Variants in PIEZO2 observed in about 807,000 individuals in gnomAD.
PIEZO2 encodes the protein piezo type mechanosensitive ion channel component 2.
PIEZO2 carries 172 observed loss-of-function variants against 337.3 expected under a neutral mutation model. The observed-to-expected ratio is 0.51, with a 90% CI of 0.45 to 0.58. The LOEUF (loss-of-function observed/expected upper bound fraction) is 0.58, where lower values mean the gene tolerates loss of function less well. Among genes scored for constraint, PIEZO2 ranks in the 20% least tolerant of loss-of-function variants. The pLI, the probability that PIEZO2 is intolerant of heterozygous loss-of-function variation, is 0.00. For missense variants in PIEZO2, 3,028 were observed against 3,391.3 expected (o/e 0.89, Z 2.66); for synonymous variants, 1,251 against 1,228.5 (o/e 1.02, Z -0.38).
At chr18:10,996,757 G>A (rs1338341181) in intron 2 of PIEZO2, among the ~76,000 whole-genome samples, 1 of 152,086 alleles carries the variant, frequency 6.6e-6, no homozygotes, top group Non-Finnish European at 1.5e-5. Flanking sequence ...TTTAGCTACT[G>A]CTGCTGTGAT....
intron 2 of PIEZO2, among the ~76,000 whole-genome samples, chr18:10,981,143 T>C (rs1222034842): frequency 6.6e-6 from 1 of 152,122 alleles, no homozygotes; most frequent in Non-Finnish European, 1.5e-5. Context: ...ATTAATCGTA[T>C]ATATATATGT....
At chr18:10,944,593 C>G (rs1006920279) in intron 3 of PIEZO2, among the ~76,000 whole-genome samples, 31 of 144,436 alleles carry the variant, frequency 2.1e-4, no homozygotes, top group African/African-American at 7.4e-4. Flanking sequence ...GTAAAGAACA[C>G]CAAAGACAAA....
chr18:10,899,192 C>T lies in PIEZO2; in HGVS notation c.329+11994G>A, dbSNP rs946267291. ...TCAACCTCTTGGAATCTCCACTGACCTGGGAATGAAACAACCAAGCTATGG... is the reference window on the plus strand; with the variant it reads ...TCAACCTCTTGGAATCTCCACTGACTTGGGAATGAAACAACCAAGCTATGG... On this transcript the variant is annotated intron_variant, in intron 4 of 55. Transcript: ENST00000674853. This position sits in a 1 kb window ranked among gnomAD's most constrained non-coding sequence, Gnocchi z 4.6. Among the ~76,000 whole-genome samples the T allele has an allele frequency of 2.0e-5, 3 of 152,196 alleles. No individual in the cohort carries two copies. The highest frequency in any genetic ancestry group is 4.4e-5 in the Non-Finnish European group (3 of 68,030).
At chr18:10,730,679 C>T (rs374833546) in intron 36 of PIEZO2, among the ~76,000 whole-genome samples, 5 of 152,160 alleles carry the variant, frequency 3.3e-5, no homozygotes, top group African/African-American at 1.2e-4. Flanking sequence ...TTTAAGTGTG[C>T]TTTCCCTTTT....
intron 21 of PIEZO2, among the ~76,000 whole-genome samples, chr18:10,764,237 A>T (rs999358195): frequency 2.6e-5 from 4 of 152,222 alleles, no homozygotes. Flanking sequence ...TAATATTCTC[A>T]GGTAGAAATA....
At position 10,783,640 on chromosome 18, in the gene PIEZO2, T is replaced by C. The variant is rs572580758; in HGVS notation, c.2492+1144A>G. On this transcript the variant is annotated intron_variant, in intron 17 of 55. Transcript: ENST00000674853. The surrounding 1 kb of genome is among the most constrained non-coding windows in gnomAD (Gnocchi z 4.3). ...TGGGGCCTTGGGAGCAGAGAGGTTTTAGCAGAGCCTGATTTTCCTGGTGGC... is the reference window on the plus strand; with the variant it reads ...TGGGGCCTTGGGAGCAGAGAGGTTTCAGCAGAGCCTGATTTTCCTGGTGGC... 2.0e-5 allele frequency among the ~76,000 whole-genome samples: 3 copies of C among 152,300 alleles called. No homozygotes were observed. Among genetic ancestry groups the C allele is most frequent in the African/African-American group, 7.2e-5 (3 of 41,552 alleles).
chr18:10,742,368 G>A (rs1021333550), intron 32 of PIEZO2, 126 bp downstream of exon 32: 118 of 1,091,202 alleles, frequency 1.1e-4, no homozygotes, highest in African/African-American at 7.9e-5. Context: ...AATAAAGCTC[G>A]CTGAATCAAA....
At position 10,846,089 on chromosome 18, in the gene PIEZO2, T is replaced by C. The variant is rs1164129032; in HGVS notation, c.917+9264A>G. ...TATAGCCAGTGGCCACATCTGAAGCTTAGTATATTAGTCCATTGTCACACT... is the reference window on the plus strand; with the variant it reads ...TATAGCCAGTGGCCACATCTGAAGCCTAGTATATTAGTCCATTGTCACACT... On this transcript the variant is annotated intron_variant, in intron 7 of 55. Coordinates refer to ENST00000674853, the MANE Select transcript of PIEZO2 (RefSeq NM_001378183.1). The surrounding 1 kb of genome is among the most constrained non-coding windows in gnomAD (Gnocchi z 4.1). 6.6e-6 allele frequency among the ~76,000 whole-genome samples: 1 copy of C among 152,152 alleles called. No homozygotes were observed. Among genetic ancestry groups the C allele is most frequent in the Admixed American group, 6.5e-5 (1 of 15,274 alleles).
intron 1 of PIEZO2, among the ~76,000 whole-genome samples, chr18:11,087,485 A>AT (rs2038949383): frequency 6.6e-6 from 1 of 152,106 alleles, no homozygotes; most frequent in Non-Finnish European, 1.5e-5. Context: ...TAATAAAAAT[A>AT]TTTTTCCTGT....
At position 10,837,957 on chromosome 18, in the gene PIEZO2, G is replaced by A. The variant is rs926163045; in HGVS notation, c.917+17396C>T. ...AGTAGAGACGGGGTTTCGTCATGTT[G>A]GCCAGGCTGGTCTCGAACTCCTGAT... On this transcript the variant is annotated intron_variant, in intron 7 of 55. Transcript: ENST00000674853. The surrounding 1 kb of genome is among the most constrained non-coding windows in gnomAD (Gnocchi z 4.4). 6.6e-6 allele frequency among the ~76,000 whole-genome samples: 1 copy of A among 152,002 alleles called. No homozygotes were observed. The highest frequency in any genetic ancestry group is 1.5e-5 in the Non-Finnish European group (1 of 68,024).
intron 3 of PIEZO2, among the ~76,000 whole-genome samples, chr18:10,930,276 A>T (rs1224883695): frequency 6.6e-6 from 1 of 152,158 alleles, no homozygotes; most frequent in East Asian, 1.9e-4. Context: ...TTGTCTCTGA[A>T]GCAAGCTACC....
intron 5 of PIEZO2, among the ~76,000 whole-genome samples, chr18:10,868,350 T>A (rs2042057677): frequency 6.6e-6 from 1 of 152,176 alleles, no homozygotes; most frequent in African/African-American, 2.4e-5. Flanking sequence ...AAAAATAAAA[T>A]AAATTCCCTG....
intron 52 of PIEZO2, among the ~76,000 whole-genome samples, chr18:10,679,500 T>C (rs1476891757): frequency 6.7e-6 from 1 of 150,072 alleles, no homozygotes; most frequent in African/African-American, 2.4e-5. Flanking sequence ...ATTCAAAATT[T>C]TTTTTGCATT....
chr18:10,675,092 G>A (rs1374652659), intron 54 of PIEZO2, 117 bp downstream of exon 54: 4 of 646,200 alleles, frequency 6.2e-6, no homozygotes, highest in Middle Eastern at 2.5e-4. Context: ...TATATAGTCT[G>A]TCACACAGGG....
intron 1 of PIEZO2, among the ~76,000 whole-genome samples, chr18:11,095,896 G>GT (rs140714250): frequency 0.014 from 2,058 of 152,314 alleles, 49 homozygotes; most frequent in African/African-American, 0.047. Flanking sequence ...CAGCTGTTGA[G>GT]TAAGGCCTTA....
At chr18:10,931,783 G>A (rs770857706) in intron 3 of PIEZO2, among the ~76,000 whole-genome samples, 6 of 151,764 alleles carry the variant, frequency 4.0e-5, no homozygotes, top group Admixed American at 1.3e-4. Context: ...TTAATTTCTT[G>A]TAATAAAATT....
rs150804070 is a variant in PIEZO2, at chr18:10,980,790, T to C, written c.161-1130A>G. On this transcript the variant is annotated intron_variant, in intron 2 of 55. Coordinates refer to ENST00000674853, the MANE Select transcript of PIEZO2 (RefSeq NM_001378183.1). This position sits in a 1 kb window ranked among gnomAD's most constrained non-coding sequence, Gnocchi z 4.8. ...AAATTGAAAAGGTTTTGTCAATGTG[T>C]CAATTTGGCTAGGCTGTAAATCACA... Among the ~76,000 whole-genome samples, 287 of 152,320 alleles carry C rather than the reference T, an allele frequency of 1.9e-3. No individual in the cohort carries two copies. The highest frequency in any genetic ancestry group is 6.7e-3 in the African/African-American group (277 of 41,578).
Position 10,877,924 on chromosome 18 carries a change from C to T in PIEZO2, c.330-6509G>A, listed in dbSNP as rs540306234. On this transcript the variant is annotated intron_variant, in intron 4 of 55. Transcript: ENST00000674853. The surrounding 1 kb of genome is among the most constrained non-coding windows in gnomAD (Gnocchi z 5.3). Reference sequence around the variant, plus strand: ...CCATACTGAATGCACGTACCCAGAACGCGCCAGTGTTTTCCCTCTGAGCAA... The same window carrying T: ...CCATACTGAATGCACGTACCCAGAATGCGCCAGTGTTTTCCCTCTGAGCAA... Among the ~76,000 whole-genome samples the T allele has an allele frequency of 1.3e-5, 2 of 152,108 alleles. No individual in the cohort carries two copies. The highest frequency in any genetic ancestry group is 2.4e-5 in the African/African-American group (1 of 41,424).
In PIEZO2 at chr18:10,759,675, G is replaced by T; in HGVS notation, c.3655+30C>A. ...CGCTCAGTAATGGCTTCTTCTAAAA[G>T]TAGACGGCTCAAGGGAAGGGCAGGC... On this transcript the variant is annotated intron_variant, in intron 25 of 55. Transcript: ENST00000674853. This position sits in a 1 kb window ranked among gnomAD's most constrained non-coding sequence, Gnocchi z 5.5. 1 of 1,536,896 alleles carries T rather than the reference G, an allele frequency of 6.5e-7. No individual in the cohort carries two copies. Among genetic ancestry groups the T allele is most frequent in the African/African-American group, 1.4e-5 (1 of 73,170 alleles).
Sources: allele counts gnomAD v4.1 joint callset (sites outside exome capture counted in the v4.1 genomes callset), GRCh38; gene constraint gnomAD v4.1.1; non-coding constraint Gnocchi (gnomAD v3.1); transcripts MANE v1.5; gene names NCBI Gene and HGNC (gene_info 2026-07-23, HGNC 2026-07-21).